RHOT1: variants seen among roughly 807,000 people sequenced by gnomAD.
RHOT1 encodes mitochondrial Rho GTPase 1.
In RHOT1, 27 loss-of-function variants were observed where a neutral mutation model predicts 95.3. The observed-to-expected ratio is 0.28, with a 90% CI of 0.21 to 0.39. RHOT1 has a LOEUF of 0.39. RHOT1 is among the 10% of genes least tolerant of loss of function. The pLI is 1.00. For synonymous variants in RHOT1, 227 were observed against 263.5 expected (o/e 0.86, Z 1.34); for missense variants, 578 against 786.7 (o/e 0.73, Z 3.17).
In RHOT1 at chr17:32,192,119, G is replaced by A; in HGVS notation, c.541-82G>A. 4.1e-6 allele frequency: 3 copies of A among 736,686 alleles called. No homozygotes were observed. The South Asian group carries it at 5.6e-5, about 14-fold the overall frequency. 45.6% of individuals were successfully genotyped at this position (736,686 alleles called of 1,614,324 possible). A position where few individuals can be genotyped will look rare whatever the true frequency, so the allele number is the denominator to read the frequency against. On this transcript the variant is annotated intron_variant, in intron 8 of 19. Transcript: ENST00000545287. Reference sequence around the variant, plus strand: ...CCATGTTGGTTGTATTTGATATTATGTAAAAATAATCAGAATTATTCTCAG... The same window carrying A: ...CCATGTTGGTTGTATTTGATATTATATAAAAATAATCAGAATTATTCTCAG...
In RHOT1 at chr17:32,225,561, T is replaced by G. The variant is rs2039075884; in HGVS notation, c.*828T>G. ...CTGTGTCTGTTATAGTATATTACAG[T>G]AACTGCATGTGTCACCAAGTGTTCT... is the stretch of plus-strand genomic sequence containing the variant. On this transcript the variant is annotated 3_prime_UTR_variant, in exon 20 of 20. Coordinates refer to ENST00000545287, the MANE Select transcript of RHOT1 (RefSeq NM_001033566.3). The G allele has an allele frequency of 6.6e-6, 1 of 152,610 alleles. No homozygotes were observed. The highest frequency in any genetic ancestry group is 2.4e-5 in the African/African-American group (1 of 41,442). 9.5% of individuals were successfully genotyped at this position (152,610 alleles called of 1,614,324 possible).
Position 32,177,530 on chromosome 17 carries a change from C to T in RHOT1, c.329+1317C>T, listed in dbSNP as rs111280959. Among the ~76,000 whole-genome samples, 982 of 151,986 alleles carry T rather than the reference C, an allele frequency of 6.5e-3. 9 individuals carry two copies. The highest frequency in any genetic ancestry group is 0.022 in the African/African-American group (923 of 41,486). On this transcript the variant is annotated intron_variant, in intron 6 of 19. Coordinates refer to ENST00000545287, the MANE Select transcript of RHOT1 (RefSeq NM_001033566.3). ...CAGCACTTTGGGAGGCCGAGGCAGGCGGATCATGAGGTCAGGAGATCGAGA... is the reference window on the plus strand; with the variant it reads ...CAGCACTTTGGGAGGCCGAGGCAGGTGGATCATGAGGTCAGGAGATCGAGA...
At chr17:32,179,449 C>G (rs542255416) in intron 6 of RHOT1, 1 of 130,834 alleles carries the variant, frequency 7.6e-6, no homozygotes, top group South Asian at 2.6e-4. Context: ...CAGCTGACAC[C>G]CCATCTGGGA....
intron 1 of RHOT1, chr17:32,151,146 T>C (rs1212489032): frequency 3.7e-6 from 3 of 807,912 alleles, no homozygotes; most frequent in Non-Finnish European, 6.7e-6. Flanking sequence ...TTCTTTACTG[T>C]TGACTCTGGT....
chr17:32,197,786 T>C (rs111970448), intron 11 of RHOT1, among the ~76,000 whole-genome samples: 1,722 of 152,170 alleles, frequency 0.011, 35 homozygotes, highest in African/African-American at 0.039. Flanking sequence ...TTGGCCAGGC[T>C]GGTCTCGAAC....
chr17:32,163,614 C>A (rs922250499), intron 1 of RHOT1, among the ~76,000 whole-genome samples: 1 of 151,932 alleles, frequency 6.6e-6, no homozygotes, highest in African/African-American at 2.4e-5. Flanking sequence ...CCTGTAATCC[C>A]AGCTACTTTG....
At chr17:32,209,643 T>C in intron 18 of RHOT1, 1 of 443,752 alleles carries the variant, frequency 2.3e-6, no homozygotes, top group East Asian at 3.8e-5. Context: ...GTGATTACAG[T>C]AACTGCAAGT....
At chr17:32,148,551 G>C (rs1021675592) in intron 1 of RHOT1, among the ~76,000 whole-genome samples, 1 of 152,168 alleles carries the variant, frequency 6.6e-6, no homozygotes, top group Non-Finnish European at 1.5e-5. Flanking sequence ...TTGTTCTGCA[G>C]GCCACATCAT....
At chr17:32,164,622 T>C (rs924407882) in intron 1 of RHOT1, among the ~76,000 whole-genome samples, 2 of 151,990 alleles carry the variant, frequency 1.3e-5, no homozygotes, top group African/African-American at 4.8e-5. Context: ...TCCCAGCACT[T>C]TGGGAGGCTG....
chr17:32,155,306 C>T (rs1195443426), intron 1 of RHOT1, among the ~76,000 whole-genome samples: 1 of 151,666 alleles, frequency 6.6e-6, no homozygotes, highest in African/African-American at 2.4e-5. Flanking sequence ...ACTACAGGTG[C>T]CCACCACCAC....
Position 32,167,328 on chromosome 17 carries a change from A to ATT in RHOT1, c.38-3700_38-3699dup, listed in dbSNP as rs34426273. Reference sequence around the variant, plus strand: ...GCACAGGCAGAATAGATTGAGCATAATTTTTTTTTTTTTTTTGAGACGGAG... The same window carrying ATT: ...GCACAGGCAGAATAGATTGAGCATAATTTTTTTTTTTTTTTTTTGAGACGGAG... On this transcript the variant is annotated intron_variant, in intron 1 of 19. Transcript: ENST00000545287. Among the ~76,000 whole-genome samples, 1,304 of 144,178 alleles carry ATT rather than the reference A, an allele frequency of 9.0e-3. 24 individuals carry two copies. Among genetic ancestry groups the ATT allele is most frequent in the African/African-American group, 0.031 (1,230 of 39,616 alleles). 94.6% of individuals were successfully genotyped at this position (144,178 alleles called of 152,430 possible). A position where few individuals can be genotyped will look rare whatever the true frequency, so the allele number is the denominator to read the frequency against.
At chr17:32,177,531 G>A (rs575404979) in intron 6 of RHOT1, among the ~76,000 whole-genome samples, 12 of 152,104 alleles carry the variant, frequency 7.9e-5, no homozygotes, top group East Asian at 7.8e-4. Context: ...CGAGGCAGGC[G>A]GATCATGAGG....
At chr17:32,164,587 T>C (rs1217454042) in intron 1 of RHOT1, among the ~76,000 whole-genome samples, 1 of 151,914 alleles carries the variant, frequency 6.6e-6, no homozygotes, top group African/African-American at 2.4e-5. Flanking sequence ...TTACTGAGGC[T>C]GAATGTGGTG....
Position 32,142,614 on chromosome 17 carries a change from C to T in RHOT1, c.-79C>T, listed in dbSNP as rs1286799757. ...GGCGGCCGAAGAGGCTGGCAGGTGG[C>T]GCCGTGGGGTGGGTGCTCCTGGTGA... On this transcript the variant is annotated 5_prime_UTR_variant, in exon 1 of 20. Transcript: ENST00000545287. 1.1e-5 allele frequency: 14 copies of T among 1,281,574 alleles called. No homozygotes were observed. The highest frequency in any genetic ancestry group is 2.8e-4 in the Middle Eastern group (1 of 3,556). 79.4% of individuals were successfully genotyped at this position (1,281,574 alleles called of 1,614,324 possible).
intron 16 of RHOT1, 22 bp downstream of exon 16, chr17:32,203,995 A>C: frequency 6.7e-7 from 1 of 1,497,478 alleles, no homozygotes; most frequent in Non-Finnish European, 9.2e-7. Context: ...TGTGGCATAC[A>C]AAAATTACTA....
intron 1 of RHOT1, chr17:32,150,846 G>A (rs573805129): frequency 6.6e-7 from 1 of 1,523,758 alleles, no homozygotes. Flanking sequence ...GTGGAAGGGA[G>A]CTGTAGAAAT....
At chr17:32,175,514 T>C in intron 4 of RHOT1, 152 bp downstream of exon 4, 1 of 771,194 alleles carries the variant, frequency 1.3e-6, no homozygotes, top group South Asian at 1.7e-5. Flanking sequence ...CCCAGTGCAG[T>C]GGCGCAATTT....
chr17:32,173,934 A>T (rs1252217154), intron 3 of RHOT1, 22 bp downstream of exon 3: 1 of 1,483,592 alleles, frequency 6.7e-7, no homozygotes, highest in Admixed American at 1.8e-5. Context: ...CCTCTTGTAG[A>T]TGAAGGTGTA....
intron 8 of RHOT1, among the ~76,000 whole-genome samples, chr17:32,186,774 A>G (rs1307324782): frequency 6.6e-6 from 1 of 151,690 alleles, no homozygotes; most frequent in Non-Finnish European, 1.5e-5. Context: ...CAGTCCTCCC[A>G]CTCAGCCTCC....
Sources: gnomAD v4.1 joint callset for allele counts (sites outside exome capture counted in the v4.1 genomes callset) on GRCh38, gnomAD v4.1.1 for gene constraint, MANE v1.5 for transcripts, NCBI Gene and HGNC (gene_info 2026-07-23, HGNC 2026-07-21) for gene names.